NAP1L1: variants seen among roughly 807,000 people sequenced by gnomAD.
NAP1L1 encodes nucleosome assembly protein 1 like 1.
Under a neutral mutation model 58.9 loss-of-function variants are expected in NAP1L1, and 9 were observed. The observed-to-expected ratio is 0.15, with a 90% CI of 0.09 to 0.27. The LOEUF (loss-of-function observed/expected upper bound fraction) is 0.27, where lower values mean the gene tolerates loss of function less well. NAP1L1 is among the 10% of genes least tolerant of loss of function. The pLI is 1.00. For synonymous variants in NAP1L1, 130 were observed against 138.3 expected (o/e 0.94, Z 0.42); for missense variants, 302 against 458.8 (o/e 0.66, Z 3.12).
intron 2 of NAP1L1, among the ~76,000 whole-genome samples, chr12:76,069,655 T>C (rs1486606107): frequency 1.3e-5 from 2 of 152,198 alleles, no homozygotes; most frequent in Non-Finnish European, 2.9e-5. Context: ...GCAACAATAC[T>C]AGCCTATACT....
At chr12:76,061,918 T>C (rs1414859378) in intron 4 of NAP1L1, among the ~76,000 whole-genome samples, 3 of 152,180 alleles carry the variant, frequency 2.0e-5, no homozygotes, top group Admixed American at 6.5e-5. Flanking sequence ...CCAGAAACTT[T>C]AGAACAAGAA....
At chr12:76,049,350 C>A in intron 13 of NAP1L1, 100 bp from the exon 14 acceptor site, 2 of 1,593,062 alleles carry the variant, frequency 1.3e-6, no homozygotes, top group Non-Finnish European at 1.7e-6. Context: ...TACGGATCAA[C>A]AGATTTTCAT....
At chr12:76,056,662 C>G (rs1949106125) in intron 6 of NAP1L1, 1 of 452,934 alleles carries the variant, frequency 2.2e-6, no homozygotes, top group African/African-American at 2.0e-5. Context: ...AAAATGGCAA[C>G]AATCCTCAGC....
rs1180574108 is a variant in NAP1L1, at chr12:76,037,142, TGAA to T, written c.*11284_*11286del. ...AGACTTCTTAGCCTTATTTCATCTT[TGAA>T]GTACTATTCAGAAGAAATATTCTAG... On this transcript the variant is annotated 3_prime_UTR_variant, in exon 15 of 15. Coordinates refer to ENST00000618691, the MANE Select transcript of NAP1L1 (RefSeq NM_004537.7). 6.6e-6 allele frequency: 1 copy of T among 152,234 alleles called. No homozygotes were observed. The highest frequency in any genetic ancestry group is 1.9e-4 in the East Asian group (1 of 5,198). 9.4% of individuals were successfully genotyped at this position (152,234 alleles called of 1,614,324 possible). A position where few individuals can be genotyped will look rare whatever the true frequency, so the allele number is the denominator to read the frequency against.
At chr12:76,075,269 G>A (rs66921138) in intron 1 of NAP1L1, among the ~76,000 whole-genome samples, 26,783 of 152,062 alleles carry the variant, frequency 0.18, 2,490 homozygotes, top group South Asian at 0.3. Context: ...TTGAGCACAG[G>A]AGTTCAAGGC....
At chr12:76,077,797 A>T (rs938320543) in intron 1 of NAP1L1, among the ~76,000 whole-genome samples, 1 of 151,970 alleles carries the variant, frequency 6.6e-6, no homozygotes, top group African/African-American at 2.4e-5. Flanking sequence ...CAGCCTGGGC[A>T]AAATGGTGAA....
intron 1 of NAP1L1, among the ~76,000 whole-genome samples, chr12:76,076,562 A>ATATATG (rs1319699295): frequency 8.8e-5 from 1 of 11,386 alleles, no homozygotes; most frequent in Non-Finnish European, 2.2e-4. Context: ...ATATATATAT[A>ATATATG]TATATATATA....
In NAP1L1 at chr12:76,044,393, C is replaced by CA. The variant is rs1948578811; in HGVS notation, c.*4035dup. On this transcript the variant is annotated 3_prime_UTR_variant, in exon 15 of 15. Transcript: ENST00000618691. The stretch of plus-strand genomic sequence containing the variant: ...TCCTGGGTTTCAAAATAATAAAACT[C>CA]AGTTTGTTCTAGGATCCACAAAACT... 1.3e-5 allele frequency: 2 copies of CA among 152,016 alleles called. No homozygotes were observed. The highest frequency in any genetic ancestry group is 2.1e-4 in the South Asian group (1 of 4,822). The allele number at this position is 152,016 out of a possible 1,614,324, so 9.4% of individuals were successfully genotyped here. A position where few individuals can be genotyped will look rare whatever the true frequency, so the allele number is the denominator to read the frequency against.
chr12:76,049,173 A>C, intron 14 of NAP1L1, 27 bp downstream of exon 14: 1 of 1,591,196 alleles, frequency 6.3e-7, no homozygotes, highest in Non-Finnish European at 8.6e-7. Flanking sequence ...CTTAAATTTA[A>C]TAGAAAGCAG....
rs185220868 is a variant in NAP1L1, at chr12:76,068,641, G to A, written c.103+268C>T. The A allele has an allele frequency of 4.0e-4, 120 of 302,906 alleles. 1 individual carries two copies. In the East Asian group the frequency reaches 7.8e-3, roughly 20 times the overall value. The allele number at this position is 302,906 out of a possible 1,614,324, so 18.8% of individuals were successfully genotyped here. ...TAAATTCAGACAAAACTCATGGGCA[G>A]CTGTTTGACACAAGTACACCAAGTC... On this transcript the variant is annotated intron_variant, in intron 3 of 14. Coordinates refer to ENST00000618691, the MANE Select transcript of NAP1L1 (RefSeq NM_004537.7).
In NAP1L1 at chr12:76,048,101, C is replaced by CAAA. The variant is rs57380071; in HGVS notation, c.*325_*327dup. 18 of 187,166 alleles carry CAAA rather than the reference C, an allele frequency of 9.6e-5. No homozygotes were observed. The highest frequency in any genetic ancestry group is 1.9e-4 in the East Asian group (2 of 10,600). 11.6% of individuals were successfully genotyped at this position (187,166 alleles called of 1,614,324 possible). Reference sequence around the variant, plus strand: ...CTTTGGTTCTTCAAGGAAAAAATTACAAAAAAAAAAAAAAGGTATTTCCTT... The same window carrying CAAA: ...CTTTGGTTCTTCAAGGAAAAAATTACAAAAAAAAAAAAAAAAAGGTATTTCCTT... On this transcript the variant is annotated 3_prime_UTR_variant, in exon 15 of 15. Transcript: ENST00000618691.
rs1325464117 is a variant in NAP1L1, at chr12:76,037,170, G to C, written c.*11259C>G. ...AGTACTATTCAGAAGAAATATTCTA[G>C]ATTCTAGTTTCCAAAAGTCCTTGAG... On this transcript the variant is annotated 3_prime_UTR_variant, in exon 15 of 15. Transcript: ENST00000618691. The C allele has an allele frequency of 6.6e-6, 1 of 152,170 alleles. No homozygotes were observed. Among genetic ancestry groups the C allele is most frequent in the African/African-American group, 2.4e-5 (1 of 41,436 alleles). 9.4% of individuals were successfully genotyped at this position (152,170 alleles called of 1,614,324 possible). A position where few individuals can be genotyped will look rare whatever the true frequency, so the allele number is the denominator to read the frequency against.
intron 6 of NAP1L1, 148 bp downstream of exon 6, chr12:76,059,650 A>C: frequency 1.6e-6 from 1 of 606,802 alleles, no homozygotes; most frequent in South Asian, 2.1e-5. Context: ...AAAGTAATAG[A>C]AAAACGTGTA....
chr12:76,037,480 C>A lies in NAP1L1; in HGVS notation c.*10949G>T, dbSNP rs1871076607. The A allele has an allele frequency of 6.6e-6, 1 of 152,390 alleles. No homozygotes were observed. Among genetic ancestry groups the A allele is most frequent in the African/African-American group, 2.4e-5 (1 of 41,472 alleles). 9.4% of individuals were successfully genotyped at this position (152,390 alleles called of 1,614,324 possible). ...TCTAAGTTCTTGGGTGGCCCAATCACCTGATCCATACTCATACACATGGCC... is the reference window on the plus strand; with the variant it reads ...TCTAAGTTCTTGGGTGGCCCAATCAACTGATCCATACTCATACACATGGCC... On this transcript the variant is annotated 3_prime_UTR_variant, in exon 15 of 15. Coordinates refer to ENST00000618691, the MANE Select transcript of NAP1L1 (RefSeq NM_004537.7).
chr12:76,066,669 T>C (rs1949690506), intron 4 of NAP1L1, among the ~76,000 whole-genome samples: 1 of 152,116 alleles, frequency 6.6e-6, no homozygotes, highest in African/African-American at 2.4e-5. Context: ...GTGCCAATTG[T>C]TGGCAGACAT....
rs1317846793 is a variant in NAP1L1, at chr12:76,068,975, C to G, written c.37G>C (p.Asp13His). The change falls in exon 3 of 15, where the codon GAT (aspartate) becomes CAT (histidine). Residue 13 changes from aspartate (D) to histidine (H), a missense_variant. Coordinates refer to ENST00000618691, the MANE Select transcript of NAP1L1 (RefSeq NM_004537.7). ...DIDNKEQSEL[D>H]QDLDDVEEVE... is the part of the protein sequence containing the mutation. ...TCTTCAACATCATCCAAATCTTGAT[C>G]AAGTTCAGACTGTTCTTTGCTATAA... 6.2e-7 allele frequency: 1 copy of G among 1,612,694 alleles called. No homozygotes were observed. Among genetic ancestry groups the G allele is most frequent in the East Asian group, 2.2e-5 (1 of 44,840 alleles).
chr12:76,070,244 T>C (rs541068711), intron 2 of NAP1L1, among the ~76,000 whole-genome samples: 3 of 152,070 alleles, frequency 2.0e-5, no homozygotes, highest in Non-Finnish European at 4.4e-5. Context: ...TGCCTCAGCC[T>C]CCTGAATAGC....
At position 76,037,299 on chromosome 12, in the gene NAP1L1, G is replaced by A. The variant is rs1871069421; in HGVS notation, c.*11130C>T. The stretch of plus-strand genomic sequence containing the variant: ...GTAGTTGATGAACTGATGCCTCCTA[G>A]TGACCAATCTGTGTAACAGCTTAAA... On this transcript the variant is annotated 3_prime_UTR_variant, in exon 15 of 15. Coordinates refer to ENST00000618691, the MANE Select transcript of NAP1L1 (RefSeq NM_004537.7). The A allele has an allele frequency of 6.6e-6, 1 of 152,310 alleles. No homozygotes were observed. The highest frequency in any genetic ancestry group is 2.4e-5 in the African/African-American group (1 of 41,444). The allele number at this position is 152,310 out of a possible 1,614,324, so 9.4% of individuals were successfully genotyped here. A position where few individuals can be genotyped will look rare whatever the true frequency, so the allele number is the denominator to read the frequency against.
At chr12:76,058,215 A>G in intron 6 of NAP1L1, 1 of 182,320 alleles carries the variant, frequency 5.5e-6, no homozygotes, top group Non-Finnish European at 1.1e-5. Context: ...ATATATATAT[A>G]TATATATATG....
Sources: allele counts gnomAD v4.1 joint callset (sites outside exome capture counted in the v4.1 genomes callset), GRCh38; gene constraint gnomAD v4.1.1; transcripts MANE v1.5; gene names NCBI Gene and HGNC (gene_info 2026-07-23, HGNC 2026-07-21).